Variants in DDX42 observed in about 807,000 individuals in gnomAD.
The protein encoded by DDX42 is DEAD-box helicase 42, also known as ATP-dependent RNA helicase DDX42.
Under a neutral mutation model 101.5 loss-of-function variants are expected in DDX42, and 22 were observed. The observed-to-expected ratio is 0.22, with a 90% CI of 0.15 to 0.31. The LOEUF is 0.31. Among genes scored for constraint, DDX42 ranks in the 10% least tolerant of loss-of-function variants. The pLI is 1.00. For synonymous variants in DDX42, 402 were observed against 401.2 expected (o/e 1.00, Z -0.02); for missense variants, 849 against 1,199.9 (o/e 0.71, Z 4.32).
Position 63,816,969 on chromosome 17 carries a change from C to G in DDX42, c.2112+3C>G, listed in dbSNP as rs746487876. ...CGGCAATGAAAGCAGCTTTCCAGGT[C>G]TGAAATAAGCATTTCATTAAAAGCA... On this transcript the variant is annotated splice_donor_region_variant and intron_variant, in intron 17 of 17. Coordinates refer to ENST00000389924, the MANE Select transcript of DDX42 (RefSeq NM_203499.3). 6.2e-7 allele frequency: 1 copy of G among 1,612,372 alleles called. No individual in the cohort carries two copies.
intron 14 of DDX42, 56 bp downstream of exon 14, chr17:63,812,264 C>T: frequency 6.4e-7 from 1 of 1,563,006 alleles, no homozygotes; most frequent in East Asian, 2.3e-5. Flanking sequence ...GGTACTCTGT[C>T]TTACTACATA....
At chr17:63,816,375 C>G (rs1305906271) in intron 16 of DDX42, among the ~76,000 whole-genome samples, 1 of 152,098 alleles carries the variant, frequency 6.6e-6, no homozygotes, top group South Asian at 2.1e-4. Context: ...TGTGCCAGGA[C>G]CATTCCAAGC....
chr17:63,783,592 G>A (rs534983056), intron 1 of DDX42, among the ~76,000 whole-genome samples: 39 of 152,244 alleles, frequency 2.6e-4, no homozygotes, highest in Non-Finnish European at 4.9e-4. Context: ...TTGATTGAAG[G>A]AATCCCCTTA....
At chr17:63,794,600 G>A (rs1483195443) in intron 3 of DDX42, among the ~76,000 whole-genome samples, 1 of 151,254 alleles carries the variant, frequency 6.6e-6, no homozygotes, top group African/African-American at 2.4e-5. Flanking sequence ...TGGGAGAATT[G>A]CTTGAGGTTG....
intron 1 of DDX42, among the ~76,000 whole-genome samples, chr17:63,783,937 G>GC (rs1463152485): frequency 1.3e-5 from 2 of 152,024 alleles, no homozygotes; most frequent in Non-Finnish European, 2.9e-5. Context: ...GGTGGCACAC[G>GC]CCTGTAATCC....
intron 1 of DDX42, among the ~76,000 whole-genome samples, chr17:63,779,993 A>G (rs1396522322): frequency 6.6e-6 from 1 of 152,138 alleles, no homozygotes; most frequent in Non-Finnish European, 1.5e-5. Context: ...TATACACTAC[A>G]TGGTTTAATA....
rs373307992 is a variant in DDX42, at chr17:63,804,814, A to C, written c.622-257A>C. 2.6e-4 allele frequency among the ~76,000 whole-genome samples: 39 copies of C among 152,316 alleles called. 1 individual carries two copies. The South Asian group carries it at 7.9e-3, about 31-fold the overall frequency. On this transcript the variant is annotated intron_variant, in intron 6 of 17. Transcript: ENST00000389924. The stretch of plus-strand genomic sequence containing the variant: ...CAGTGAGCCAGGATCGCACCACTGC[A>C]CTACAGCCTGGGTGACAGAGCGAAA...
chr17:63,803,594 G>A (rs972279348), intron 6 of DDX42, among the ~76,000 whole-genome samples: 3 of 148,838 alleles, frequency 2.0e-5, no homozygotes, highest in Non-Finnish European at 4.5e-5. Context: ...AAAGGTATCT[G>A]AAAAGGCTAC....
chr17:63,780,722 C>A (rs1598321185), intron 1 of DDX42, among the ~76,000 whole-genome samples: 1 of 152,232 alleles, frequency 6.6e-6, no homozygotes, highest in East Asian at 1.9e-4. Context: ...GCAACCCTCA[C>A]CTGCCCAAGG....
chr17:63,783,163 G>A (rs1051642549), intron 1 of DDX42, among the ~76,000 whole-genome samples: 30 of 152,210 alleles, frequency 2.0e-4, no homozygotes, highest in African/African-American at 6.7e-4. Context: ...CTGTTAGAAC[G>A]CATCATGTTG....
At chr17:63,782,901 G>A (rs2039505495) in intron 1 of DDX42, among the ~76,000 whole-genome samples, 1 of 151,896 alleles carries the variant, frequency 6.6e-6, no homozygotes, top group African/African-American at 2.4e-5. Flanking sequence ...GTTCATCTTG[G>A]CCCTACCTGT....
At chr17:63,783,139 T>C (rs903773409) in intron 1 of DDX42, among the ~76,000 whole-genome samples, 4 of 152,182 alleles carry the variant, frequency 2.6e-5, no homozygotes, top group Non-Finnish European at 5.9e-5. Context: ...GTGAATGCAC[T>C]CTGTATAGTA....
At chr17:63,799,005 A>G (rs1171570713) in intron 4 of DDX42, among the ~76,000 whole-genome samples, 1 of 152,232 alleles carries the variant, frequency 6.6e-6, no homozygotes, top group Non-Finnish European at 1.5e-5. Flanking sequence ...TATTTTCTCT[A>G]TAGCTCCTGA....
chr17:63,787,189 G>T lies in DDX42; in HGVS notation c.140G>T (p.Gly47Val). The change falls in exon 2 of 18, where the codon GGA (glycine) becomes GTA (valine). Residue 47 changes from glycine to valine, a missense_variant. Physicochemically the swap from Gly to Val is moderately radical, Grantham distance 109. Coordinates refer to ENST00000389924, the MANE Select transcript of DDX42 (RefSeq NM_203499.3). The stretch of plus-strand genomic sequence containing the variant: ...TTTGGGGCAACCAGCTCTTCTTCTG[G>T]ATTTGGAAAGTCAGCTCCACCACAG... ...SAFGATSSSS[G>V]FGKSAPPQLP... 1.2e-6 allele frequency: 2 copies of T among 1,614,114 alleles called. No homozygotes were observed. The highest frequency in any genetic ancestry group is 1.7e-6 in the Non-Finnish European group (2 of 1,180,032).
chr17:63,800,622 G>A lies in DDX42; in HGVS notation c.621+5G>A. 2 of 1,610,452 alleles carry A rather than the reference G, an allele frequency of 1.2e-6. No homozygotes were observed. Among genetic ancestry groups the A allele is most frequent in the Non-Finnish European group, 1.7e-6 (2 of 1,178,776 alleles). The stretch of plus-strand genomic sequence containing the variant: ...CCCCCCATTGATCATTCAGAGGTAT[G>A]GTGTTTCTTGCTGAATTTTACTCTT... On this transcript the variant is annotated splice_donor_5th_base_variant and intron_variant, in intron 6 of 17. Coordinates refer to ENST00000389924, the MANE Select transcript of DDX42 (RefSeq NM_203499.3).
In DDX42 at chr17:63,811,069, CT is replaced by C. The variant is rs777730695; in HGVS notation, c.1301-3del. On this transcript the variant is annotated splice_region_variant and splice_polypyrimidine_tract_variant and intron_variant, in intron 12 of 17. Coordinates refer to ENST00000389924, the MANE Select transcript of DDX42 (RefSeq NM_203499.3). ...GTTTCTCTAACAGAATTTATCTTAC[CT>C]TTTAGCTCTCTTATTTAGTGCAACT... The C allele has an allele frequency of 6.2e-7, 1 of 1,611,790 alleles. No individual in the cohort carries two copies. The highest frequency in any genetic ancestry group is 8.5e-7 in the Non-Finnish European group (1 of 1,178,524).
At chr17:63,782,447 C>T (rs2039500140) in intron 1 of DDX42, among the ~76,000 whole-genome samples, 1 of 152,134 alleles carries the variant, frequency 6.6e-6, no homozygotes. Context: ...ACTCAGCTCT[C>T]TCATAGATAC....
chr17:63,785,587 C>T (rs2039538276), intron 1 of DDX42, among the ~76,000 whole-genome samples: 1 of 142,044 alleles, frequency 7.0e-6, no homozygotes, highest in Non-Finnish European at 1.5e-5. Context: ...GACAACATCA[C>T]AAGACCCTGT....
At chr17:63,797,917 G>T in intron 3 of DDX42, 121 bp from the exon 4 acceptor site, 1 of 802,572 alleles carries the variant, frequency 1.2e-6, no homozygotes, top group South Asian at 2.1e-5. Context: ...CAATTTGATG[G>T]CATCAAAATG....
Sources: allele counts gnomAD v4.1 joint callset (sites outside exome capture counted in the v4.1 genomes callset), GRCh38; gene constraint gnomAD v4.1.1; transcripts MANE v1.5; gene names NCBI Gene and HGNC (gene_info 2026-07-23, HGNC 2026-07-21).